Variants in STAP1 observed in about 807,000 individuals in gnomAD.
STAP1 encodes the protein signal transducing adaptor family member 1.
STAP1 carries 30 observed loss-of-function variants against 37.8 expected under a neutral mutation model. The observed-to-expected ratio is 0.79, with a 90% CI of 0.59 to 1.08. The LOEUF (loss-of-function observed/expected upper bound fraction) is 1.08. STAP1 is among the 50% of genes least tolerant of loss of function. STAP1 has a pLI of 0.00. For missense variants in STAP1, 357 were observed against 349.4 expected (o/e 1.02, Z -0.17); for synonymous variants, 130 against 116.0 (o/e 1.12, Z -0.78).
intron 5 of STAP1, among the ~76,000 whole-genome samples, chr4:67,581,941 T>C (rs1443181687): frequency 1.3e-5 from 2 of 152,138 alleles, no homozygotes; most frequent in African/African-American, 4.8e-5. Context: ...GTTGGAAAAA[T>C]AAAGAAGTGC....
intron 5 of STAP1, among the ~76,000 whole-genome samples, chr4:67,582,302 TTTTTTTTTTG>T (rs1207847837): frequency 9.6e-6 from 1 of 104,562 alleles, no homozygotes; most frequent in Non-Finnish European, 2.2e-5. Context: ...AACATTTTAG[TTTTTTTTTTG>T]TTTTTTTTGT....
At chr4:67,594,596 A>T (rs1728184871) in intron 8 of STAP1, among the ~76,000 whole-genome samples, 3 of 152,298 alleles carry the variant, frequency 2.0e-5, no homozygotes, top group Admixed American at 2.0e-4. Flanking sequence ...CTACATATTA[A>T]TCCAATTTCT....
intron 8 of STAP1, among the ~76,000 whole-genome samples, chr4:67,594,275 G>A (rs1245150706): frequency 6.6e-6 from 1 of 152,180 alleles, no homozygotes; most frequent in African/African-American, 2.4e-5. Flanking sequence ...TAAAAGGATA[G>A]CAAGTTTAAA....
chr4:67,603,057 T>G lies in STAP1; in HGVS notation c.827-3239T>G, dbSNP rs550013222. On this transcript the variant is annotated intron_variant, in intron 8 of 8. Transcript: ENST00000265404. ...GGAGTTAGGAACCTCAGCAATCTAT[T>G]TGGTGCTCTATTCTACTGCAGCTGA... is the stretch of plus-strand genomic sequence containing the variant. Among the ~76,000 whole-genome samples the G allele has an allele frequency of 2.0e-5, 3 of 152,218 alleles. No homozygotes were observed. The South Asian group carries it at 6.2e-4, about 32-fold the overall frequency.
intron 1 of STAP1, among the ~76,000 whole-genome samples, chr4:67,565,361 G>A (rs1727443248): frequency 1.3e-5 from 2 of 152,114 alleles, no homozygotes; most frequent in African/African-American, 4.8e-5. Flanking sequence ...TTTTACATAG[G>A]AATGACAATG....
intron 8 of STAP1, among the ~76,000 whole-genome samples, chr4:67,594,847 A>G (rs192634659): frequency 3.9e-5 from 6 of 152,238 alleles, no homozygotes; most frequent in Admixed American, 3.9e-4. Context: ...TTTATCTGGG[A>G]AAGTATCTAT....
At chr4:67,590,677 C>G (rs902895677) in intron 6 of STAP1, among the ~76,000 whole-genome samples, 1 of 151,208 alleles carries the variant, frequency 6.6e-6, no homozygotes, top group Non-Finnish European at 1.5e-5. Context: ...ACCTATATCC[C>G]TAGTGAGTAG....
chr4:67,600,903 T>C (rs1560468387), intron 8 of STAP1, among the ~76,000 whole-genome samples: 1 of 152,164 alleles, frequency 6.6e-6, no homozygotes, highest in East Asian at 1.9e-4. Context: ...AACAGATCAG[T>C]GAGTCTTGTT....
At chr4:67,569,912 G>A (rs1295383604) in intron 1 of STAP1, among the ~76,000 whole-genome samples, 1 of 152,028 alleles carries the variant, frequency 6.6e-6, no homozygotes, top group Admixed American at 6.6e-5. Flanking sequence ...GTATTTTTAG[G>A]TAGAGATGGG....
At chr4:67,583,826 C>T (rs1005608639) in intron 6 of STAP1, 124 bp downstream of exon 6, 34 of 1,130,124 alleles carry the variant, frequency 3.0e-5, no homozygotes, top group African/African-American at 1.6e-4. Context: ...TGGCCGGGTG[C>T]GGTGGCTCAC....
chr4:67,587,158 C>G (rs749451524), intron 6 of STAP1, among the ~76,000 whole-genome samples: 1 of 152,076 alleles, frequency 6.6e-6, no homozygotes, highest in East Asian at 1.9e-4. Flanking sequence ...TTATACTGTA[C>G]GACTTAATGT....
At chr4:67,560,778 A>G (rs1460989297) in intron 1 of STAP1, among the ~76,000 whole-genome samples, 1 of 151,934 alleles carries the variant, frequency 6.6e-6, no homozygotes, top group African/African-American at 2.4e-5. Flanking sequence ...CAGCCTCCTG[A>G]GTAGCTGGGA....
chr4:67,602,206 A>G (rs1728359065), intron 8 of STAP1, among the ~76,000 whole-genome samples: 1 of 151,434 alleles, frequency 6.6e-6, no homozygotes, highest in Non-Finnish European at 1.5e-5. Context: ...AATTATTTCA[A>G]TCTCTTTGTT....
In STAP1 at chr4:67,582,641, T is replaced by TC. The variant is rs35735619; in HGVS notation, c.531-932dup. Reference sequence around the variant, plus strand: ...GATTTTTTCTATTAGTTTTTTTTTTTCTATGAATATGACTATATATTTTCT... The same window carrying TC: ...GATTTTTTCTATTAGTTTTTTTTTTTCCTATGAATATGACTATATATTTTCT... On this transcript the variant is annotated intron_variant, in intron 5 of 8. Transcript: ENST00000265404. Among the ~76,000 whole-genome samples, 689 of 151,976 alleles carry TC rather than the reference T, an allele frequency of 4.5e-3. 5 individuals are homozygous for TC. The highest frequency in any genetic ancestry group is 0.016 in the African/African-American group (666 of 41,492).
chr4:67,568,243 A>G lies in STAP1; in HGVS notation c.121-2841A>G, dbSNP rs189634608. On this transcript the variant is annotated intron_variant, in intron 1 of 8. Transcript: ENST00000265404. The stretch of plus-strand genomic sequence containing the variant: ...TAATATTGAAGAGACACAAAATACC[A>G]TAAGACAAAGTATCTTCACATGCAC... Among the ~76,000 whole-genome samples the G allele has an allele frequency of 2.6e-5, 4 of 152,358 alleles. No individual in the cohort carries two copies. In the East Asian group the frequency reaches 5.8e-4, roughly 22 times the overall value.
At chr4:67,589,666 T>A (rs1276281675) in intron 6 of STAP1, among the ~76,000 whole-genome samples, 1 of 152,204 alleles carries the variant, frequency 6.6e-6, no homozygotes. Flanking sequence ...AAAGTTTTCA[T>A]CCTAACATGC....
At chr4:67,580,257 GGTATT>G (rs1037801448) in intron 4 of STAP1, among the ~76,000 whole-genome samples, 18 of 152,016 alleles carry the variant, frequency 1.2e-4, no homozygotes, top group African/African-American at 4.4e-4. Context: ...TGTTTCATTA[GGTATT>G]TTCCCCCATT....
intron 1 of STAP1, among the ~76,000 whole-genome samples, chr4:67,567,612 A>G (rs2109855614): frequency 6.6e-6 from 1 of 152,310 alleles, no homozygotes; most frequent in Non-Finnish European, 1.5e-5. Flanking sequence ...CTAGCCTTTG[A>G]ATCTGGATTG....
At chr4:67,591,595 T>C (rs962792250) in intron 7 of STAP1, among the ~76,000 whole-genome samples, 1 of 152,214 alleles carries the variant, frequency 6.6e-6, no homozygotes, top group South Asian at 2.1e-4. Flanking sequence ...TCTGTGATTT[T>C]AGGCTGCAGT....
Sources: allele counts gnomAD v4.1 joint callset (sites outside exome capture counted in the v4.1 genomes callset), GRCh38; gene constraint gnomAD v4.1.1; transcripts MANE v1.5; gene names NCBI Gene and HGNC (gene_info 2026-07-23, HGNC 2026-07-21).